The following ADAM18 variants were observed in gnomAD, a reference collection of about 807,000 sequenced individuals.
ADAM18 encodes the protein disintegrin and metalloproteinase domain-containing protein 18.
Under a neutral mutation model 94.4 loss-of-function variants are expected in ADAM18, and 117 were observed. The observed-to-expected ratio is 1.24, with a 90% confidence interval of 1.07 to 1.45. ADAM18 has a LOEUF of 1.45. Ranked by LOEUF, ADAM18 falls within the 40% of genes most tolerant of loss-of-function variation. The pLI is 0.00. For missense variants in ADAM18, 936 were observed against 880.0 expected (o/e 1.06, Z -0.81); for synonymous variants, 327 against 291.6 (o/e 1.12, Z -1.24).
rs1298759787 is a variant in ADAM18 at position 39,729,698 on chromosome 8, A to C, written c.2178-200A>C. ...CTTATAATATAGATAAGTTACCTATAATATAGATAAGAACCAAATTTATCT... is the reference window on the plus strand; with the variant it reads ...CTTATAATATAGATAAGTTACCTATCATATAGATAAGAACCAAATTTATCT... On this transcript the variant is annotated intron_variant, in intron 19 of 19. Transcript: ENST00000265707. Among the ~76,000 whole-genome samples, 7 of 152,030 alleles carry C rather than the reference A, an allele frequency of 4.6e-5. No homozygotes were observed. In the South Asian group the frequency reaches 1.5e-3, roughly 32 times the overall value.
At chr8:39,683,467 G>A (rs1255252834) in intron 16 of ADAM18, among the ~76,000 whole-genome samples, 1 of 152,158 alleles carries the variant, frequency 6.6e-6, no homozygotes. Flanking sequence ...TGCAAGATAA[G>A]TATATTTTTG....
chr8:39,588,511 C>A (rs1444673561), intron 2 of ADAM18, among the ~76,000 whole-genome samples: 1 of 152,084 alleles, frequency 6.6e-6, no homozygotes, highest in Admixed American at 6.6e-5. Context: ...GAAATATATT[C>A]TTCTATTCCA....
At chr8:39,702,206 T>A (rs1361532086) in intron 17 of ADAM18, among the ~76,000 whole-genome samples, 1 of 152,248 alleles carries the variant, frequency 6.6e-6, no homozygotes, top group Non-Finnish European at 1.5e-5. Flanking sequence ...TGGTATCTCA[T>A]TGTGGTCTTG....
intron 7 of ADAM18, among the ~76,000 whole-genome samples, chr8:39,633,231 A>G (rs1819981375): frequency 6.6e-6 from 1 of 152,168 alleles, no homozygotes; most frequent in Non-Finnish European, 1.5e-5. Context: ...CAAGACAGAA[A>G]TTGGTATCAG....
intron 12 of ADAM18, among the ~76,000 whole-genome samples, chr8:39,651,217 A>G (rs1204718799): frequency 6.6e-6 from 1 of 152,188 alleles, no homozygotes; most frequent in Non-Finnish European, 1.5e-5. Flanking sequence ...AGTAGATGGA[A>G]TATACAATCG....
intron 18 of ADAM18, among the ~76,000 whole-genome samples, chr8:39,720,102 T>C (rs965011156): frequency 6.6e-6 from 1 of 151,298 alleles, no homozygotes; most frequent in Non-Finnish European, 1.5e-5. Flanking sequence ...AGTCTCTCAA[T>C]ACAGTGGAAT....
chr8:39,640,431 G>A (rs935923199), intron 10 of ADAM18, among the ~76,000 whole-genome samples: 2 of 151,908 alleles, frequency 1.3e-5, no homozygotes, highest in East Asian at 3.9e-4. Context: ...GTCTATCTTG[G>A]TGGCCATTTG....
chr8:39,672,896 A>G (rs1237891057), intron 14 of ADAM18, among the ~76,000 whole-genome samples: 2 of 152,208 alleles, frequency 1.3e-5, no homozygotes, highest in Non-Finnish European at 2.9e-5. Flanking sequence ...CAGGAGTTAA[A>G]TAGAGTCCTG....
intron 11 of ADAM18, among the ~76,000 whole-genome samples, chr8:39,646,043 G>T (rs756390150): frequency 1.3e-5 from 2 of 151,852 alleles, no homozygotes; most frequent in Non-Finnish European, 2.9e-5. Flanking sequence ...TTTCATATTT[G>T]TTCCACAACA....
chr8:39,633,284 GT>G, intron 7 of ADAM18, among the ~76,000 whole-genome samples: 1 of 152,296 alleles, frequency 6.6e-6, no homozygotes, highest in South Asian at 2.1e-4. Context: ...TGTGGAAATA[GT>G]TTTGGTACCT....
rs1380035755 is a variant in ADAM18 at position 39,630,217 on chromosome 8, T to C, written c.588+778T>C. Among the ~76,000 whole-genome samples, 8 of 151,876 alleles carry C rather than the reference T, an allele frequency of 5.3e-5. No individual in the cohort carries two copies. In the East Asian group the frequency reaches 1.5e-3, roughly 29 times the overall value. On this transcript the variant is annotated intron_variant, in intron 7 of 19. Transcript: ENST00000265707. The stretch of plus-strand genomic sequence containing the variant: ...ATACACTTCTGGTTTTAAATGTATA[T>C]TTATTTTTAAAATTAGTACTATTAT...
At chr8:39,714,230 AGTGAACAATGAGATCACTT>A (rs2129581550) in intron 18 of ADAM18, among the ~76,000 whole-genome samples, 1 of 152,290 alleles carries the variant, frequency 6.6e-6, no homozygotes, top group East Asian at 1.9e-4. Context: ...ATAGGTGGGA[AGTGAACAATGAGATCACTT>A]GGTTGCAGGG....
At chr8:39,647,938 T>C (rs917164206) in intron 11 of ADAM18, among the ~76,000 whole-genome samples, 1 of 152,146 alleles carries the variant, frequency 6.6e-6, no homozygotes, top group Non-Finnish European at 1.5e-5. Context: ...ATTTCTTATG[T>C]CTTCTCTTTC....
At chr8:39,692,820 A>C in intron 17 of ADAM18, 140 bp downstream of exon 17, 1 of 554,820 alleles carries the variant, frequency 1.8e-6, no homozygotes, top group Non-Finnish European at 3.1e-6. Flanking sequence ...ACCTAATTTC[A>C]AACTATATAA....
At chr8:39,725,479 C>A (rs150179231) in intron 19 of ADAM18, among the ~76,000 whole-genome samples, 1 of 152,106 alleles carries the variant, frequency 6.6e-6, no homozygotes, top group Non-Finnish European at 1.5e-5. Context: ...TACCCTTTAA[C>A]CACCACCTTC....
chr8:39,585,213 G>C, intron 1 of ADAM18, 63 bp from the exon 2 acceptor site: 3 of 1,364,214 alleles, frequency 2.2e-6, no homozygotes, highest in Non-Finnish European at 3.1e-6. Flanking sequence ...AAGAACCCGT[G>C]CTTGACTGAG....
At chr8:39,601,801 T>C (rs899056895) in intron 2 of ADAM18, among the ~76,000 whole-genome samples, 5 of 152,222 alleles carry the variant, frequency 3.3e-5, no homozygotes, top group African/African-American at 9.6e-5. Context: ...AAACTGAATC[T>C]GTATACCCAT....
At chr8:39,611,949 A>G (rs1819286495) in intron 6 of ADAM18, among the ~76,000 whole-genome samples, 1 of 152,186 alleles carries the variant, frequency 6.6e-6, no homozygotes, top group Admixed American at 6.5e-5. Flanking sequence ...CATACTTGAT[A>G]GAGAAAAAAT....
intron 18 of ADAM18, among the ~76,000 whole-genome samples, chr8:39,720,076 T>C (rs931099492): frequency 6.8e-6 from 1 of 146,944 alleles, no homozygotes; most frequent in Admixed American, 6.9e-5. Flanking sequence ...CAACAGATGA[T>C]GGCTAAACAA....
Sources: allele counts gnomAD v4.1 joint callset (sites outside exome capture counted in the v4.1 genomes callset), GRCh38; gene constraint gnomAD v4.1.1; transcripts MANE v1.5; gene names NCBI Gene and HGNC (gene_info 2026-07-23, HGNC 2026-07-21).